Variants in GPM6A observed in about 807,000 individuals in gnomAD.
GPM6A encodes the protein glycoprotein M6A.
In GPM6A, 7 loss-of-function variants were observed where a neutral mutation model predicts 32.1. The ratio of observed to expected loss-of-function variants is 0.22; its 90% CI spans 0.12 to 0.41. The LOEUF is 0.41. Ranked by LOEUF, GPM6A falls within the 10% of genes least tolerant of loss-of-function variation. The probability of loss-of-function intolerance (pLI) is 1.00; values close to 1 mark genes in which losing one functional copy is unlikely to be tolerated. For synonymous variants in GPM6A, 130 were observed against 123.4 expected (o/e 1.05, Z -0.35); for missense variants, 235 against 347.2 (o/e 0.68, Z 2.57).
At chr4:175,847,378 A>T (rs1579563607) in intron 1 of GPM6A, among the ~76,000 whole-genome samples, 2 of 152,304 alleles carry the variant, frequency 1.3e-5, no homozygotes, top group South Asian at 4.1e-4. Context: ...CACACAATTC[A>T]TAAGTTTTAA....
At chr4:175,744,421 C>T (rs1732013139) in intron 1 of GPM6A, among the ~76,000 whole-genome samples, 3 of 151,410 alleles carry the variant, frequency 2.0e-5, no homozygotes, top group South Asian at 2.1e-4. Context: ...GACTACAAGT[C>T]GATGATCTAA....
intron 6 of GPM6A, among the ~76,000 whole-genome samples, chr4:175,636,605 G>A (rs1740630868): frequency 6.7e-6 from 1 of 150,202 alleles, no homozygotes; most frequent in Non-Finnish European, 1.5e-5. Flanking sequence ...AGACCAGTCT[G>A]GCCAACATAG....
At chr4:175,920,441 T>C (rs1373446133) in intron 1 of GPM6A, among the ~76,000 whole-genome samples, 1 of 152,230 alleles carries the variant, frequency 6.6e-6, no homozygotes, top group Non-Finnish European at 1.5e-5. Context: ...TCAAAGAATG[T>C]TAGTAACTAA....
rs149129977 is a variant in GPM6A at position 175,700,482 on chromosome 4, A to G, written c.230+1093T>C. Among the ~76,000 whole-genome samples the G allele has an allele frequency of 5.9e-3, 895 of 152,306 alleles. 8 individuals carry two copies. The highest frequency in any genetic ancestry group is 0.02 in the Middle Eastern group (6 of 294). ...ACCAGTTCAACAGGAATTGCCCTGC[A>G]TAAATGAGAATTGTGATCAACCTCT... On this transcript the variant is annotated intron_variant, in intron 2 of 6. Transcript: ENST00000393658.
chr4:175,724,890 C>T (rs1322080232), intron 1 of GPM6A, among the ~76,000 whole-genome samples: 4 of 152,100 alleles, frequency 2.6e-5, no homozygotes, highest in East Asian at 1.9e-4. Context: ...CTCTCTCTCC[C>T]TCACTCTGCC....
intron 1 of GPM6A, among the ~76,000 whole-genome samples, chr4:175,725,624 T>A (rs1180029041): frequency 6.6e-6 from 1 of 152,120 alleles, no homozygotes; most frequent in Admixed American, 6.5e-5. Context: ...GAGTGTTATA[T>A]TAGTGTATAT....
intron 1 of GPM6A, among the ~76,000 whole-genome samples, chr4:175,807,863 G>A (rs1041629372): frequency 2.0e-5 from 3 of 152,154 alleles, no homozygotes; most frequent in Non-Finnish European, 4.4e-5. Flanking sequence ...GACTCATTCT[G>A]ATTGCATTGA....
chr4:175,750,264 G>A (rs886525474), intron 1 of GPM6A, among the ~76,000 whole-genome samples: 4 of 151,980 alleles, frequency 2.6e-5, no homozygotes, highest in African/African-American at 9.7e-5. Context: ...CACCATGCTG[G>A]CCAGGCTAGT....
intron 1 of GPM6A, among the ~76,000 whole-genome samples, chr4:175,852,279 GA>G (rs145123904): frequency 6.9e-4 from 103 of 149,666 alleles, no homozygotes; most frequent in Admixed American, 1.3e-3. Context: ...AAGAGAATAA[GA>G]AAAAAAAAGG....
chr4:175,752,775 G>A (rs1412925837), intron 1 of GPM6A, among the ~76,000 whole-genome samples: 1 of 152,126 alleles, frequency 6.6e-6, no homozygotes, highest in Non-Finnish European at 1.5e-5. Context: ...TCTCCAAGTT[G>A]GTTATGCCAT....
chr4:175,911,882 A>G (rs1368814059), intron 1 of GPM6A, among the ~76,000 whole-genome samples: 4 of 152,222 alleles, frequency 2.6e-5, no homozygotes, highest in African/African-American at 4.8e-5. Flanking sequence ...GACAAAAATA[A>G]GCAAATCAAG....
At position 175,889,834 on chromosome 4, in the gene GPM6A, AAAAG is replaced by A. The variant is rs1226817516; in HGVS notation, c.-22-77589_-22-77586del. 4.6e-5 allele frequency among the ~76,000 whole-genome samples: 7 copies of A among 152,244 alleles called. 1 individual carries two copies. Among genetic ancestry groups the A allele is most frequent in the Middle Eastern group, 6.8e-3 (2 of 294 alleles). ...TCTCAAACAAAACAAAACAAAACAAAAAAGAAAGAAAGAAAGAAAAACGAGCAAA... is the reference window on the plus strand; with the variant it reads ...TCTCAAACAAAACAAAACAAAACAAAAAAGAAAGAAAGAAAAACGAGCAAA... On this transcript the variant is annotated intron_variant, in intron 1 of 7. Transcript: ENST00000280187.
At chr4:175,890,008 C>A (rs1224749465) in intron 1 of GPM6A, among the ~76,000 whole-genome samples, 3 of 151,988 alleles carry the variant, frequency 2.0e-5, no homozygotes, top group East Asian at 1.9e-4. Context: ...ATAATATAAA[C>A]AAGCCATGCA....
intron 2 of GPM6A, among the ~76,000 whole-genome samples, chr4:175,681,545 T>C (rs985470874): frequency 1.3e-5 from 2 of 152,178 alleles, no homozygotes; most frequent in Non-Finnish European, 2.9e-5. Context: ...TTCATGTTGA[T>C]TGTAATCCCC....
At chr4:175,875,286 G>T (rs574432015) in intron 1 of GPM6A, among the ~76,000 whole-genome samples, 11 of 152,226 alleles carry the variant, frequency 7.2e-5, no homozygotes, top group African/African-American at 2.6e-4. Context: ...TTTTTGCAAT[G>T]CCATGAGCTT....
chr4:175,711,597 T>C (rs1395805871), intron 1 of GPM6A, among the ~76,000 whole-genome samples: 1 of 150,574 alleles, frequency 6.6e-6, no homozygotes, highest in Non-Finnish European at 1.5e-5. Flanking sequence ...ATGGATGTAT[T>C]TCTTTTTACC....
At chr4:175,955,459 G>A (rs1739954676) in intron 1 of GPM6A, among the ~76,000 whole-genome samples, 1 of 152,116 alleles carries the variant, frequency 6.6e-6, no homozygotes, top group Non-Finnish European at 1.5e-5. Context: ...AGTAGGACTG[G>A]AACAAGCTAA....
chr4:175,930,359 C>T (rs1468457429), intron 1 of GPM6A, among the ~76,000 whole-genome samples: 1 of 145,348 alleles, frequency 6.9e-6, no homozygotes, highest in Non-Finnish European at 1.5e-5. Context: ...ACCAGAGCAA[C>T]AACGAAAAGC....
At chr4:175,980,123 G>A (rs1740777832) in intron 1 of GPM6A, among the ~76,000 whole-genome samples, 1 of 152,124 alleles carries the variant, frequency 6.6e-6, no homozygotes. Context: ...AGTTTGGGGG[G>A]CTCAGGCAGG....
Sources: allele counts gnomAD v4.1 joint callset (sites outside exome capture counted in the v4.1 genomes callset), GRCh38; gene constraint gnomAD v4.1.1; transcripts MANE v1.5; gene names NCBI Gene and HGNC (gene_info 2026-07-23, HGNC 2026-07-21).